The following FAM117A variants were observed in gnomAD, a reference collection of about 807,000 sequenced individuals.
FAM117A encodes protein FAM117A.
In FAM117A, 21 loss-of-function variants were observed where a neutral mutation model predicts 44.1. The ratio of observed to expected loss-of-function variants is 0.48; its 90% CI spans 0.34 to 0.69. The LOEUF is 0.69. Ranked by LOEUF, FAM117A falls within the 30% of genes least tolerant of loss-of-function variation. The probability of loss-of-function intolerance (pLI) is 0.01; values close to 1 mark genes in which losing one functional copy is unlikely to be tolerated. For synonymous variants in FAM117A, 220 were observed against 238.3 expected, an observed-to-expected ratio of 0.92 and a Z score of 0.71; for missense variants, 498 against 589.9, an observed-to-expected ratio of 0.84 and a Z score of 1.61.
upstream of FAM117A, among the ~76,000 whole-genome samples, chr17:49,766,105 C>T (rs1052153007): frequency 3.3e-5 from 5 of 152,094 alleles, 1 homozygote; most frequent in Non-Finnish European, 5.9e-5. Flanking sequence ...ATTTATTGCT[C>T]AAGACCACAC....
intron 4 of FAM117A, chr17:49,720,105 T>A: frequency 2.9e-6 from 2 of 701,360 alleles, no homozygotes; most frequent in South Asian, 3.9e-5. Context: ...TGTAGAGTCA[T>A]TGCCTCAATT....
chr17:49,712,909 C>T (rs1217757177), intron 7 of FAM117A, among the ~76,000 whole-genome samples: 4 of 152,112 alleles, frequency 2.6e-5, no homozygotes, highest in Admixed American at 1.3e-4. Flanking sequence ...CAGGGTCTTG[C>T]TCTCTCACCC....
At chr17:49,726,817 G>A (rs1210529201) in intron 2 of FAM117A, among the ~76,000 whole-genome samples, 9 of 151,752 alleles carry the variant, frequency 5.9e-5, no homozygotes, top group Non-Finnish European at 1.2e-4. Flanking sequence ...CTCTATAAAA[G>A]AAATAATTTT....
intron 1 of FAM117A, among the ~76,000 whole-genome samples, chr17:49,770,955 C>A (rs1452670158): frequency 6.7e-6 from 1 of 148,750 alleles, no homozygotes; most frequent in African/African-American, 2.5e-5. Context: ...GACTGTAATC[C>A]CAGCACTTTG....
At chr17:49,758,158 C>T (rs953054045) in intron 1 of FAM117A, among the ~76,000 whole-genome samples, 7 of 151,246 alleles carry the variant, frequency 4.6e-5, no homozygotes, top group East Asian at 1.9e-4. Flanking sequence ...GTGAAACCCC[C>T]GTCTCTAATA....
At chr17:49,712,377 T>C (rs1291975257) in intron 7 of FAM117A, among the ~76,000 whole-genome samples, 1 of 152,206 alleles carries the variant, frequency 6.6e-6, no homozygotes, top group Admixed American at 6.5e-5. Context: ...ACCCCAGTAG[T>C]ACCACGACTC....
At position 49,761,897 on chromosome 17, in the gene FAM117A, G is replaced by C. The variant is rs2073723878; in HGVS notation, c.196+1995C>G. On this transcript the variant is annotated intron_variant, in intron 1 of 7. Transcript: ENST00000240364. Reference sequence around the variant, plus strand: ...AGATAATCCCCCCAACTACCAACTAGGCGAATGCCTTATTAACACTTCTAA... The same window carrying C: ...AGATAATCCCCCCAACTACCAACTACGCGAATGCCTTATTAACACTTCTAA... 1.3e-5 allele frequency among the ~76,000 whole-genome samples: 2 copies of C among 152,108 alleles called. 1 individual carries two copies. Among genetic ancestry groups the C allele is most frequent in the South Asian group, 4.1e-4 (2 of 4,830 alleles).
At chr17:49,754,858 C>G (rs1423909139) in intron 1 of FAM117A, among the ~76,000 whole-genome samples, 8 of 151,424 alleles carry the variant, frequency 5.3e-5, no homozygotes, top group African/African-American at 1.9e-4. Context: ...GACCAACATG[C>G]AGAAACCCCA....
intron 1 of FAM117A, among the ~76,000 whole-genome samples, chr17:49,777,602 G>T (rs902350651): frequency 2.0e-5 from 3 of 152,002 alleles, no homozygotes; most frequent in African/African-American, 4.8e-5. Context: ...TAATGTTCAA[G>T]AATTCTTTTG....
chr17:49,732,421 A>T, intron 2 of FAM117A, 130 bp downstream of exon 2: 1 of 832,376 alleles, frequency 1.2e-6, no homozygotes, highest in Non-Finnish European at 1.9e-6. Context: ...ATAAAACATT[A>T]CATGGATAAT....
intron 7 of FAM117A, among the ~76,000 whole-genome samples, chr17:49,712,351 G>A (rs934091914): frequency 3.3e-5 from 5 of 152,126 alleles, no homozygotes; most frequent in African/African-American, 1.2e-4. Flanking sequence ...CAGTGTCCCT[G>A]GCCTCTACTT....
intron 1 of FAM117A, among the ~76,000 whole-genome samples, chr17:49,743,051 T>G (rs1024207649): frequency 1.3e-5 from 2 of 152,148 alleles, no homozygotes; most frequent in Non-Finnish European, 2.9e-5. Context: ...TCCAAGGTCA[T>G]AGAAAAAACT....
At chr17:49,723,630 CCCGAGA>C (rs1353146388) in intron 2 of FAM117A, among the ~76,000 whole-genome samples, 1 of 152,142 alleles carries the variant, frequency 6.6e-6, no homozygotes, top group African/African-American at 2.4e-5. Context: ...GCTGACCTCC[CCCGAGA>C]GGTTGTTGCA....
At chr17:49,788,697 G>C, upstream of FAM117A, 1 of 921,828 alleles carries the variant, frequency 1.1e-6, no homozygotes, top group Non-Finnish European at 1.6e-6. Context: ...CGCTCCAGAC[G>C]CTGAGAGGCA....
In FAM117A at chr17:49,711,380, T is replaced by C. The variant is rs748216246; in HGVS notation, c.1237A>G (p.Ser413Gly). 6.2e-7 allele frequency: 1 copy of C among 1,611,644 alleles called. No homozygotes were observed. ...SNPGSPLPPASPRPPPRKDPE... is the reference protein window; with the variant it reads ...SNPGSPLPPAGPRPPPRKDPE... ...TCCTTCCGAGGTGGTGGCCTGGGGC[T>C]GGCCGGGGGAAGGGGAGATCCCGGG... is the stretch of plus-strand genomic sequence containing the variant. The change falls in exon 8 of 8, where the codon AGC becomes GGC. Residue 413 changes from serine to glycine, a missense_variant. Ser to Gly is a moderately conservative substitution (Grantham distance 56). Around this residue, in one of 3 missense-constraint regions of FAM117A, gnomAD observed 224 missense variants for 296.5 expected, o/e 0.76. Coordinates refer to ENST00000240364, the MANE Select transcript of FAM117A (RefSeq NM_030802.4).
At chr17:49,750,759 A>G (rs2073673218) in intron 1 of FAM117A, among the ~76,000 whole-genome samples, 3 of 152,046 alleles carry the variant, frequency 2.0e-5, no homozygotes, top group Admixed American at 2.0e-4. Context: ...CTGGGCAACA[A>G]GAGCAAAACT....
At chr17:49,757,341 G>C (rs1197448098) in intron 1 of FAM117A, among the ~76,000 whole-genome samples, 3 of 152,132 alleles carry the variant, frequency 2.0e-5, no homozygotes, top group African/African-American at 7.2e-5. Context: ...TGAAATACTT[G>C]GATAGCATTC....
upstream of FAM117A, among the ~76,000 whole-genome samples, chr17:49,764,543 G>T (rs894681964): frequency 6.6e-6 from 1 of 152,158 alleles, no homozygotes; most frequent in Non-Finnish European, 1.5e-5. Flanking sequence ...ATAATTTTTG[G>T]GGGCGGGAGT....
chr17:49,784,851 T>G (rs1416037024), intron 1 of FAM117A, among the ~76,000 whole-genome samples: 1 of 152,168 alleles, frequency 6.6e-6, no homozygotes, highest in Non-Finnish European at 1.5e-5. Flanking sequence ...TAGGGGAAAG[T>G]TGGTGTTTTG....
Sources: gnomAD v4.1 joint callset for allele counts (sites outside exome capture counted in the v4.1 genomes callset) on GRCh38, gnomAD v4.1.1 for gene constraint, gnomAD v4.1.1 regional missense constraint, MANE v1.5 for transcripts, NCBI Gene and HGNC (gene_info 2026-07-23, HGNC 2026-07-21) for gene names.